Variants in BLTP1 observed in about 807,000 individuals in gnomAD.
The protein encoded by BLTP1 is fragile site-associated protein.
the BLTP1 span, chr4:122,289,777 C>T: frequency 2.0e-6 from 2 of 980,296 alleles, no homozygotes; most frequent in African/African-American, 3.5e-5. Context: ...CATAAATTGG[C>T]ATCAAAAGGA....
At chr4:122,210,492 A>G in the BLTP1 span, among the ~76,000 whole-genome samples, 3 of 152,174 alleles carry the variant, frequency 2.0e-5, no homozygotes, top group East Asian at 3.9e-4. Flanking sequence ...TAGTTGTTTC[A>G]TAGTGGCTTG....
At chr4:122,221,928 A>G in the BLTP1 span, 34 of 982,526 alleles carry the variant, frequency 3.5e-5, no homozygotes, top group East Asian at 1.3e-3. Context: ...TTTTCCAGAC[A>G]TAGAAAACAT....
chr4:122,191,056 G>A, the BLTP1 span, among the ~76,000 whole-genome samples: 140 of 151,922 alleles, frequency 9.2e-4, 4 homozygotes, highest in East Asian at 0.012. Context: ...ACACATTTAC[G>A]GTAAAACAAA....
chr4:122,213,904 A>G, the BLTP1 span, among the ~76,000 whole-genome samples: 1 of 152,072 alleles, frequency 6.6e-6, no homozygotes, highest in African/African-American at 2.4e-5. Flanking sequence ...ACTTCTCTTT[A>G]GTCTTATTTC....
chr4:122,235,356 A>C, the BLTP1 span: 1 of 984,686 alleles, frequency 1.0e-6, no homozygotes, highest in Non-Finnish European at 1.2e-6. Context: ...GCTGTGCTTC[A>C]AGGTAACAAT....
the BLTP1 span, chr4:122,256,039 T>C: frequency 1.0e-5 from 10 of 981,810 alleles, no homozygotes; most frequent in African/African-American, 3.5e-5. Flanking sequence ...ACAAAATAAA[T>C]ACAATCCATC....
the BLTP1 span, chr4:122,316,746 T>C: frequency 6.2e-7 from 1 of 1,610,872 alleles, no homozygotes; most frequent in South Asian, 1.1e-5. Flanking sequence ...CCACAGATTA[T>C]CGAAGACAGG....
the BLTP1 span, among the ~76,000 whole-genome samples, chr4:122,335,385 C>T: frequency 6.6e-6 from 1 of 152,050 alleles, no homozygotes; most frequent in African/African-American, 2.4e-5. Flanking sequence ...TGAATGTCAT[C>T]TTGGAATCTG....
chr4:122,223,069 A>T, the BLTP1 span: 2 of 831,216 alleles, frequency 2.4e-6, no homozygotes, highest in Non-Finnish European at 2.9e-6. Context: ...TTCCCTCAGT[A>T]AAAAAGGTAA....
the BLTP1 span, chr4:122,209,160 GAGA>G: frequency 6.3e-7 from 1 of 1,597,776 alleles, no homozygotes; most frequent in Non-Finnish European, 8.5e-7. Context: ...ATTTTTTAGG[GAGA>G]AGATGTTGAT....
chr4:122,157,601 C>T, the BLTP1 span, among the ~76,000 whole-genome samples: 2 of 152,166 alleles, frequency 1.3e-5, no homozygotes, highest in African/African-American at 4.8e-5. Context: ...GTAATCCTCA[C>T]TCACCTCCTG....
chr4:122,160,358 T>C, the BLTP1 span, among the ~76,000 whole-genome samples: 1 of 152,182 alleles, frequency 6.6e-6, no homozygotes, highest in African/African-American at 2.4e-5. Flanking sequence ...GTGGTGTAAT[T>C]TTAGGCCTTG....
At chr4:122,279,694 TC>T in the BLTP1 span, 4 of 1,448,162 alleles carry the variant, frequency 2.8e-6, no homozygotes, top group African/African-American at 1.4e-5. Context: ...TAAGTATTTT[TC>T]TTGCTCTCAA....
chr4:122,286,916 T>A, the BLTP1 span: 7 of 760,020 alleles, frequency 9.2e-6, no homozygotes, highest in African/African-American at 1.1e-4. Context: ...AGAAGAATTC[T>A]ATACCAAATC....
the BLTP1 span, chr4:122,235,079 A>AT: frequency 8.9e-5 from 125 of 1,397,504 alleles, no homozygotes; most frequent in Non-Finnish European, 1.2e-4. Flanking sequence ...TCACTATGCC[A>AT]TTTTGAGAGA....
chr4:122,256,952 A>G, the BLTP1 span: 2 of 168,750 alleles, frequency 1.2e-5, no homozygotes, highest in East Asian at 3.8e-4. Context: ...AGTTGATTGA[A>G]TGCTTCTTAA....
the BLTP1 span, chr4:122,327,879 A>C: frequency 4.0e-6 from 1 of 247,464 alleles, no homozygotes. Flanking sequence ...ATTAAGTAAA[A>C]TTTCATTCTG....
the BLTP1 span, chr4:122,343,382 T>C: frequency 6.2e-7 from 1 of 1,608,742 alleles, no homozygotes; most frequent in Non-Finnish European, 8.5e-7. Context: ...TTGTAGCTTA[T>C]ATTTTCAATT....
chr4:122,204,698 T>G, the BLTP1 span: 1 of 549,006 alleles, frequency 1.8e-6, no homozygotes, highest in Non-Finnish European at 2.3e-6. Context: ...GTCTGATGAA[T>G]GATGAATATA....
Sources: allele counts gnomAD v4.1 joint callset (sites outside exome capture counted in the v4.1 genomes callset), GRCh38; gene constraint gnomAD v4.1.1; transcripts MANE v1.5; gene names NCBI Gene and HGNC (gene_info 2026-07-23, HGNC 2026-07-21).